Variants in ATL2 observed in about 807,000 individuals in gnomAD.
ATL2 encodes atlastin-2.
Under a neutral mutation model 73.9 loss-of-function variants are expected in ATL2, and 31 were observed. That is an observed-to-expected ratio of 0.42 (90% CI 0.32 to 0.57). The LOEUF is 0.57. ATL2 is among the 20% of genes least tolerant of loss of function. ATL2 has a pLI of 0.14. For synonymous variants in ATL2, 291 were observed against 237.5 expected (o/e 1.23, Z -2.07); for missense variants, 738 against 702.6 (o/e 1.05, Z -0.57).
In ATL2 at chr2:38,296,993, C is replaced by T. The variant is rs372910085; in HGVS notation, c.1633-880G>A. Among the ~76,000 whole-genome samples the T allele has an allele frequency of 1.4e-3, 210 of 152,148 alleles. 1 individual carries two copies. Among genetic ancestry groups the T allele is most frequent in the African/African-American group, 4.5e-3 (187 of 41,512 alleles). On this transcript the variant is annotated intron_variant, in intron 12 of 12. Transcript: ENST00000378954. ...TAATTTTTTCTTAAAAGTGAAGTTG[C>T]GATAGCTTTGCATCCATCTTCTATT... is the stretch of plus-strand genomic sequence containing the variant.
chr2:38,352,130 A>C (rs562059038), intron 1 of ATL2, among the ~76,000 whole-genome samples: 43 of 112,472 alleles, frequency 3.8e-4, no homozygotes, highest in Middle Eastern at 4.0e-3. Context: ...CAAAAACAAC[A>C]ACCAAAAAAA....
At chr2:38,328,021 G>A (rs1573493923) in intron 2 of ATL2, among the ~76,000 whole-genome samples, 1 of 152,180 alleles carries the variant, frequency 6.6e-6, no homozygotes, top group African/African-American at 2.4e-5. Context: ...TACAAAGACA[G>A]ACACAGGTTA....
intron 1 of ATL2, among the ~76,000 whole-genome samples, chr2:38,367,295 A>G (rs2124485578): frequency 6.6e-6 from 1 of 152,124 alleles, no homozygotes; most frequent in South Asian, 2.1e-4. Context: ...ATACGAATAA[A>G]CAATCAATAT....
chr2:38,376,596 G>T (rs1208532380), intron 1 of ATL2: 1 of 155,766 alleles, frequency 6.4e-6, no homozygotes, highest in Non-Finnish European at 1.4e-5. Context: ...TCCAGGAAGG[G>T]TGTCTAAGGA....
chr2:38,339,343 G>T (rs930206143), intron 2 of ATL2, among the ~76,000 whole-genome samples: 4 of 152,066 alleles, frequency 2.6e-5, no homozygotes, highest in African/African-American at 7.2e-5. Flanking sequence ...AGAAAGAAGA[G>T]CACCAATGGA....
chr2:38,358,180 T>C (rs1488389845), intron 1 of ATL2, among the ~76,000 whole-genome samples: 2 of 152,194 alleles, frequency 1.3e-5, no homozygotes, highest in Non-Finnish European at 2.9e-5. Flanking sequence ...TAAGTGTCAT[T>C]CATTTAATTC....
chr2:38,297,559 G>C (rs1359549483), intron 12 of ATL2, among the ~76,000 whole-genome samples: 3 of 152,190 alleles, frequency 2.0e-5, no homozygotes, highest in Non-Finnish European at 4.4e-5. Flanking sequence ...AAAAGATTAC[G>C]ACGGAGCATG....
At chr2:38,300,434 G>C (rs1667127814) in intron 9 of ATL2, 106 bp from the exon 10 acceptor site, 1 of 715,002 alleles carries the variant, frequency 1.4e-6, no homozygotes, top group Non-Finnish European at 2.4e-6. Context: ...ACCATTAAAA[G>C]TAAATTCTAG....
At chr2:38,355,198 C>T (rs980467322) in intron 1 of ATL2, among the ~76,000 whole-genome samples, 14 of 152,160 alleles carry the variant, frequency 9.2e-5, no homozygotes, top group African/African-American at 3.4e-4. Flanking sequence ...ACGATCTCAG[C>T]TCACTACAAC....
chr2:38,302,482 C>A (rs76401775), intron 9 of ATL2, among the ~76,000 whole-genome samples: 81 of 152,238 alleles, frequency 5.3e-4, no homozygotes, highest in African/African-American at 1.8e-3. Flanking sequence ...AATAACCACA[C>A]AATAGTCACA....
chr2:38,298,838 T>C (rs1667040444), intron 11 of ATL2, among the ~76,000 whole-genome samples: 1 of 152,206 alleles, frequency 6.6e-6, no homozygotes, highest in Non-Finnish European at 1.5e-5. Context: ...TGCCTTCACT[T>C]GACCATCATA....
At chr2:38,308,237 T>C (rs531347085) in intron 9 of ATL2, among the ~76,000 whole-genome samples, 1 of 152,322 alleles carries the variant, frequency 6.6e-6, no homozygotes, top group Non-Finnish European at 1.5e-5. Flanking sequence ...TAAAGAAATG[T>C]GGTACATATA....
At position 38,298,567 on chromosome 2, in the gene ATL2, T is replaced by A; in HGVS notation, c.1209A>T (p.Gly403=). The change falls in exon 12 of 13, where the codon GGA becomes GGT. Residue 403 remains glycine (G), a synonymous_variant. Transcript: ENST00000378954. ...AAGGTGCAATGTAAGGCTTGTCCCC[T>A]CCACATACCTGGACAGACAGAATTA... ...TYCKSMEQVC[G]GDKPYIAPSD... is the part of the protein sequence containing the mutation. 6.2e-7 allele frequency: 1 copy of A among 1,613,216 alleles called. No individual in the cohort carries two copies. Among genetic ancestry groups the A allele is most frequent in the Non-Finnish European group, 8.5e-7 (1 of 1,179,394 alleles).
intron 1 of ATL2, among the ~76,000 whole-genome samples, chr2:38,372,585 A>G (rs1671751195): frequency 6.6e-6 from 1 of 152,240 alleles, no homozygotes; most frequent in Non-Finnish European, 1.5e-5. Context: ...CAATTGAAAT[A>G]AACAATTCCA....
rs1031159979 is a variant in ATL2 at position 38,310,455 on chromosome 2, C to T, written c.805-8G>A. On this transcript the variant is annotated splice_polypyrimidine_tract_variant and splice_region_variant and intron_variant, in intron 7 of 12. Transcript: ENST00000378954. ...ATGTTGATTTTGTTTTACCTGAGGG[C>T]GGAGAGAGACAGGTGAAATTGTAAA... The T allele has an allele frequency of 6.3e-6, 10 of 1,578,134 alleles. No individual in the cohort carries two copies. The highest frequency in any genetic ancestry group is 1.4e-5 in the African/African-American group (1 of 72,708).
intron 1 of ATL2, among the ~76,000 whole-genome samples, chr2:38,364,552 T>C (rs1671194889): frequency 6.6e-6 from 1 of 152,252 alleles, no homozygotes; most frequent in Non-Finnish European, 1.5e-5. Context: ...TATTCCATAT[T>C]TGTTATATGA....
intron 1 of ATL2, among the ~76,000 whole-genome samples, chr2:38,361,135 C>T (rs534345192): frequency 2.6e-5 from 4 of 151,928 alleles, no homozygotes; most frequent in South Asian, 4.2e-4. Flanking sequence ...AGGTGGATCA[C>T]GAGGTCAGGA....
chr2:38,376,388 T>C, intron 1 of ATL2: 1 of 538,936 alleles, frequency 1.9e-6, no homozygotes, highest in Non-Finnish European at 3.1e-6. Context: ...TCAGGTGACT[T>C]CACACTACAG....
chr2:38,361,550 AG>A (rs886241205), intron 1 of ATL2, among the ~76,000 whole-genome samples: 1 of 152,132 alleles, frequency 6.6e-6, no homozygotes, highest in African/African-American at 2.4e-5. Context: ...TAAAAGAGAA[AG>A]GTTATTGGGT....
Sources: allele counts gnomAD v4.1 joint callset (sites outside exome capture counted in the v4.1 genomes callset), GRCh38; gene constraint gnomAD v4.1.1; transcripts MANE v1.5; gene names NCBI Gene and HGNC (gene_info 2026-07-23, HGNC 2026-07-21).